Variants in VGLL4 observed in about 807,000 individuals in gnomAD.
VGLL4 encodes vestigial like family member 4.
A neutral mutation model predicts 21.0 loss-of-function variants in VGLL4; 7 were observed. The observed-to-expected ratio is 0.33, with a 90% CI of 0.19 to 0.63. VGLL4 has a LOEUF of 0.63. VGLL4 is among the 20% of genes least tolerant of loss of function. The pLI is 0.78. For missense variants in VGLL4, 394 were observed against 425.7 expected (o/e 0.93, Z 0.66); for synonymous variants, 222 against 173.2 (o/e 1.28, Z -2.21).
chr3:11,634,678 GTT>G (rs34133251), intron 1 of VGLL4, among the ~76,000 whole-genome samples: 233 of 147,770 alleles, frequency 1.6e-3, no homozygotes, highest in African/African-American at 5.1e-3. Context: ...GAGGACTCAG[GTT>G]TTTTTTTTTT....
At chr3:11,705,304 G>C (rs571765902) in intron 1 of VGLL4, among the ~76,000 whole-genome samples, 2 of 152,312 alleles carry the variant, frequency 1.3e-5, no homozygotes, top group African/African-American at 4.8e-5. Flanking sequence ...AGGGCAGCGA[G>C]GGGCACTGGC....
At position 11,658,337 on chromosome 3, in the gene VGLL4, A is replaced by G. The variant is rs536671771; in HGVS notation, c.64+44634T>C. On this transcript the variant is annotated intron_variant, in intron 2 of 5. Transcript: ENST00000273038. ...AGCAATAATCAAACTACCATATTTT[A>G]TTTATAGCTGCTCTCAAGGCACAAC... Among the ~76,000 whole-genome samples the G allele has an allele frequency of 5.9e-5, 9 of 152,144 alleles. No homozygotes were observed. The East Asian group carries it at 1.7e-3, about 29-fold the overall frequency.
chr3:11,564,420 G>T (rs2125129162), intron 3 of VGLL4, among the ~76,000 whole-genome samples: 1 of 151,814 alleles, frequency 6.6e-6, no homozygotes, highest in East Asian at 1.9e-4. Flanking sequence ...CCCACCCGAG[G>T]ATGACTACAT....
At position 11,556,391 on chromosome 3, in the gene VGLL4, CA is replaced by C. The variant is rs1200817750; in HGVS notation, c.*2164del. 6.5e-6 allele frequency: 1 copy of C among 152,912 alleles called. No individual in the cohort carries two copies. The highest frequency in any genetic ancestry group is 1.5e-5 in the Non-Finnish European group (1 of 68,200). The allele number at this position is 152,912 out of a possible 1,614,324, so 9.5% of individuals were successfully genotyped here. On this transcript the variant is annotated 3_prime_UTR_variant, in exon 5 of 5. Coordinates refer to ENST00000430365, the MANE Select transcript of VGLL4 (RefSeq NM_001128219.3). ...AGTGCACCAGGGACCCGGCCGCCAG[CA>C]CCGCCGACCCCTCCCAGAGTGACGC... is the stretch of plus-strand genomic sequence containing the variant.
chr3:11,572,807 C>A (rs946293399), intron 2 of VGLL4, among the ~76,000 whole-genome samples: 2 of 152,126 alleles, frequency 1.3e-5, no homozygotes, highest in Non-Finnish European at 2.9e-5. Flanking sequence ...TACGAATACA[C>A]CACTGCATAT....
In VGLL4 at chr3:11,600,732, G is replaced by C. The variant is rs55766913; in HGVS notation, c.272+1101C>G. On this transcript the variant is annotated intron_variant, in intron 2 of 4. Coordinates refer to ENST00000430365, the MANE Select transcript of VGLL4 (RefSeq NM_001128219.3). The stretch of plus-strand genomic sequence containing the variant: ...GCGGGAGCTGGGCCACCTCTCTGCG[G>C]AAACTCTGCCTCCAAGGAGGAGCCC... Among the ~76,000 whole-genome samples, 1,217 of 152,306 alleles carry C rather than the reference G, an allele frequency of 8.0e-3. 10 individuals are homozygous for C. The highest frequency in any genetic ancestry group is 0.028 in the African/African-American group (1,143 of 41,552).
chr3:11,570,429 T>G (rs1360132753), intron 2 of VGLL4, among the ~76,000 whole-genome samples: 2 of 152,194 alleles, frequency 1.3e-5, no homozygotes, highest in Non-Finnish European at 2.9e-5. Context: ...TCAGTAAGCT[T>G]CTGAAGCACA....
At chr3:11,660,828 T>C (rs1253281720) in intron 2 of VGLL4, among the ~76,000 whole-genome samples, 3 of 152,166 alleles carry the variant, frequency 2.0e-5, no homozygotes, top group Non-Finnish European at 4.4e-5. Context: ...TAAATTTAGC[T>C]TTAAAAATTA....
intron 2 of VGLL4, among the ~76,000 whole-genome samples, chr3:11,569,238 G>A (rs1430414075): frequency 4.6e-5 from 7 of 152,200 alleles, no homozygotes; most frequent in African/African-American, 1.2e-4. Flanking sequence ...CTGAGCCTGC[G>A]CTGGGCTTCA....
chr3:11,692,869 T>C (rs976159078), intron 2 of VGLL4, among the ~76,000 whole-genome samples: 1 of 152,154 alleles, frequency 6.6e-6, no homozygotes, highest in Admixed American at 6.5e-5. Context: ...GCTCTTGCTA[T>C]AAGAAGTAAT....
chr3:11,710,584 T>G (rs760293849), intron 1 of VGLL4: 10 of 152,168 alleles, frequency 6.6e-5, no homozygotes, highest in African/African-American at 1.4e-4. Context: ...GACATCACTA[T>G]CCTTAAACAC....
Position 11,710,164 on chromosome 3 carries a change from G to A in VGLL4, c.-13-7117C>T, listed in dbSNP as rs374780207. Among the ~76,000 whole-genome samples the A allele has an allele frequency of 4.6e-5, 7 of 152,260 alleles. No individual in the cohort carries two copies. In the South Asian group the frequency reaches 6.2e-4, roughly 14 times the overall value. On this transcript the variant is annotated intron_variant, in intron 1 of 5. Coordinates refer to the VGLL4 transcript ENST00000273038. ...GGCACTAAACCATTCATGAGGGATCGCTCCCATGATCCAACCTCTCCCACC... is the reference window on the plus strand; with the variant it reads ...GGCACTAAACCATTCATGAGGGATCACTCCCATGATCCAACCTCTCCCACC...
intron 1 of VGLL4, among the ~76,000 whole-genome samples, chr3:11,715,576 C>A (rs976631317): frequency 2.6e-5 from 4 of 152,094 alleles, no homozygotes; most frequent in Non-Finnish European, 4.4e-5. Context: ...TCAGGTGATC[C>A]ACCTGCCTCG....
At position 11,601,953 on chromosome 3, in the gene VGLL4, C is replaced by A. The variant is rs779626554; in HGVS notation, c.152G>T (p.Arg51Leu). 11 of 1,612,584 alleles carry A rather than the reference C, an allele frequency of 6.8e-6. No homozygotes were observed. The highest frequency in any genetic ancestry group is 9.3e-6 in the Non-Finnish European group (11 of 1,179,380). ...LPVASALSSH[R>L]TGPPPISPSK... ...GGGGCTGATTGGGGGAGGGCCGGTG[C>A]GGTGACTGCTGAGGGCAGAGGCCAC... The change falls in exon 2 of 5, where the codon CGC (arginine) becomes CTC (leucine). Residue 51 changes from arginine (R) to leucine (L), a missense_variant. Transcript: ENST00000430365.
chr3:11,644,994 A>C (rs1559920643), upstream of VGLL4, among the ~76,000 whole-genome samples: 1 of 151,488 alleles, frequency 6.6e-6, no homozygotes, highest in Admixed American at 6.6e-5. Context: ...TTCATTTGGC[A>C]TGTATGTCAC....
At position 11,568,739 on chromosome 3, in the gene VGLL4, A is replaced by G; in HGVS notation, c.273-3720T>C. The G allele has an allele frequency of 1.6e-5, 25 of 1,532,234 alleles. No homozygotes were observed. Among genetic ancestry groups the G allele is most frequent in the Non-Finnish European group, 2.2e-5 (25 of 1,138,374 alleles). The allele number at this position is 1,532,234 out of a possible 1,614,324, so 94.9% of individuals were successfully genotyped here. Reference sequence around the variant, plus strand: ...GCTCCCGGGGACGGCAGAAAACCGCACGCATCCTGCCCGGGAGATGGAAGT... The same window carrying G: ...GCTCCCGGGGACGGCAGAAAACCGCGCGCATCCTGCCCGGGAGATGGAAGT... On this transcript the variant is annotated intron_variant, in intron 2 of 4. Transcript: ENST00000430365. This position sits in a 1 kb window ranked among gnomAD's most constrained non-coding sequence, Gnocchi z 5.9.
intron 1 of VGLL4, among the ~76,000 whole-genome samples, chr3:11,638,791 G>T (rs2075635166): frequency 1.3e-5 from 2 of 152,096 alleles, no homozygotes; most frequent in African/African-American, 4.8e-5. Flanking sequence ...ATTAGACAAA[G>T]AACAATGAAG....
intron 2 of VGLL4, among the ~76,000 whole-genome samples, chr3:11,658,268 A>T (rs1448063572): frequency 1.3e-5 from 2 of 152,086 alleles, no homozygotes; most frequent in African/African-American, 2.4e-5. Context: ...GAAATGAGCA[A>T]ATACAGCATT....
At chr3:11,646,999 G>C (rs1004625751), upstream of VGLL4, among the ~76,000 whole-genome samples, 3 of 152,182 alleles carry the variant, frequency 2.0e-5, no homozygotes, top group East Asian at 5.8e-4. Context: ...AAAGAAATTT[G>C]AGGGCTGTAG....
Sources: gnomAD v4.1 joint callset for allele counts (sites outside exome capture counted in the v4.1 genomes callset) on GRCh38, gnomAD v4.1.1 for gene constraint, Gnocchi (gnomAD v3.1) non-coding constraint, MANE v1.5 for transcripts, NCBI Gene and HGNC (gene_info 2026-07-23, HGNC 2026-07-21) for gene names.